The following ESR2 variants were observed in gnomAD, a reference collection of about 807,000 sequenced individuals.
ESR2 encodes the protein estrogen receptor beta.
ESR2 carries 36 observed loss-of-function variants against 49.6 expected under a neutral mutation model. That is an observed-to-expected ratio of 0.73 (90% CI 0.56 to 0.96). The LOEUF is 0.96. Ranked by LOEUF, ESR2 falls within the 40% of genes least tolerant of loss-of-function variation. ESR2 has a pLI of 0.00. For missense variants in ESR2, 714 were observed against 693.0 expected, an observed-to-expected ratio of 1.03 and a Z score of -0.34; for synonymous variants, 320 against 266.1, an observed-to-expected ratio of 1.20 and a Z score of -1.97.
chr14:64,336,507 C>A (rs2077534100), intron 1 of ESR2: 1 of 152,180 alleles, frequency 6.6e-6, no homozygotes, highest in African/African-American at 2.4e-5. Flanking sequence ...ACATTTTTCA[C>A]CTGTCTTGTA....
chr14:64,333,004 G>C lies in ESR2; in HGVS notation c.-91+4894C>G, dbSNP rs547706994. On this transcript the variant is annotated intron_variant, in intron 1 of 8. Transcript: ENST00000358599. ...CCATTGTCCTGCCTCAGCCTCCCGAGTAGCTGGGACTACAGGTGCCCACCA... is the reference window on the plus strand; with the variant it reads ...CCATTGTCCTGCCTCAGCCTCCCGACTAGCTGGGACTACAGGTGCCCACCA... 4.0e-5 allele frequency among the ~76,000 whole-genome samples: 6 copies of C among 150,790 alleles called. No homozygotes were observed. The South Asian group carries it at 1.3e-3, about 32-fold the overall frequency.
intron 1 of ESR2, among the ~76,000 whole-genome samples, chr14:64,305,551 G>C (rs923084596): frequency 3.3e-5 from 5 of 151,580 alleles, no homozygotes; most frequent in Non-Finnish European, 7.4e-5. Context: ...GACACCTGTA[G>C]TCTCAGCTAC....
intron 4 of ESR2, 148 bp downstream of exon 4, chr14:64,268,646 AG>A: frequency 1.6e-6 from 1 of 611,756 alleles, no homozygotes. Context: ...ACTGTGGATA[AG>A]TCAATGCCCC....
At chr14:64,253,480 C>T (rs1221941239) in intron 6 of ESR2, among the ~76,000 whole-genome samples, 3 of 151,778 alleles carry the variant, frequency 2.0e-5, no homozygotes, top group Non-Finnish European at 2.9e-5. Flanking sequence ...CGTGAGCCAC[C>T]GTGCCTGGCC....
At chr14:64,233,891 AG>A in intron 8 of ESR2, 1 of 152,914 alleles carries the variant, frequency 6.5e-6, no homozygotes, top group Non-Finnish European at 1.5e-5. Context: ...GCACCACACC[AG>A]GGGGGCATTT....
chr14:64,331,900 T>C (rs17226081), intron 1 of ESR2, among the ~76,000 whole-genome samples: 2,360 of 150,368 alleles, frequency 0.016, 67 homozygotes, highest in East Asian at 0.087. Flanking sequence ...CCAACACTGG[T>C]AGAATGATGA....
At chr14:64,261,232 C>CTTTCTTTT (rs1555577156) in intron 4 of ESR2, among the ~76,000 whole-genome samples, 25 of 88,670 alleles carry the variant, frequency 2.8e-4, no homozygotes, top group African/African-American at 8.9e-4. Context: ...TTTTATTTTT[C>CTTTCTTTT]TTTTTTCTTT....
At position 64,233,165 on chromosome 14, in the gene ESR2, T is replaced by C. The variant is rs199757132; in HGVS notation, c.1565A>G (p.Glu522Gly). The C allele has an allele frequency of 4.2e-5, 68 of 1,613,782 alleles. No homozygotes were observed. Among genetic ancestry groups the C allele is most frequent in the Non-Finnish European group, 7.6e-6 (9 of 1,179,868 alleles). ...CTGAGACTGTGGGTTCTGGGAGCCCTCTTTGCTTTTACTGTCCTCTGCCGG... is the reference window on the plus strand; with the variant it reads ...CTGAGACTGTGGGTTCTGGGAGCCCCCTTTGCTTTTACTGTCCTCTGCCGG... Reference protein sequence around the residue: ...CSPAEDSKSKEGSQNPQSQ With the variant: ...CSPAEDSKSKGGSQNPQSQ Residue 522 changes from glutamate (E) to glycine (G), a missense_variant, in exon 9 of 9, where the codon GAG becomes GGG. Transcript: ENST00000341099.
intron 7 of ESR2, among the ~76,000 whole-genome samples, chr14:64,246,767 A>AAAC (rs2075869497): frequency 8.0e-6 from 1 of 125,646 alleles, no homozygotes; most frequent in Non-Finnish European, 1.7e-5. Context: ...AAAAAAAAAA[A>AAAC]CACACCTGGC....
chr14:64,289,916 A>G (rs2076844164), intron 1 of ESR2, among the ~76,000 whole-genome samples: 1 of 152,240 alleles, frequency 6.6e-6, no homozygotes, highest in Non-Finnish European at 1.5e-5. Flanking sequence ...TTTCCCAAGC[A>G]TTCAGTTCAA....
chr14:64,282,922 T>C lies in ESR2; in HGVS notation c.64A>G (p.Ile22Val), dbSNP rs76299711. ...ATGGAGCCGTGCTCCAGGGGTAAGA[T>C]GGATTGACTGCAGTTGTAGGAGGAA... Reference protein sequence around the residue: ...SPSSYNCSQSILPLEHGSIYI... With the variant: ...SPSSYNCSQSVLPLEHGSIYI... Residue 22 changes from isoleucine (I) to valine (V), a missense_variant, in exon 2 of 9, where the codon ATC (isoleucine) becomes GTC (valine). Physicochemically the swap from Ile to Val is conservative, Grantham distance 29. Transcript: ENST00000341099. 9.6e-4 allele frequency: 1,557 copies of C among 1,613,956 alleles called. No homozygotes were observed. The highest frequency in any genetic ancestry group is 1.2e-3 in the Non-Finnish European group (1,469 of 1,179,952).
chr14:64,327,924 AGGCCG>A (rs1017886907), intron 1 of ESR2, among the ~76,000 whole-genome samples: 8 of 151,602 alleles, frequency 5.3e-5, no homozygotes. Flanking sequence ...TATATTTCTA[AGGCCG>A]GGCACAGTGG....
At chr14:64,244,333 G>A (rs1354686177) in intron 7 of ESR2, among the ~76,000 whole-genome samples, 2 of 151,858 alleles carry the variant, frequency 1.3e-5, no homozygotes, top group Non-Finnish European at 2.9e-5. Context: ...CCAGAAGGTG[G>A]AGGTTGCAGT....
intron 4 of ESR2, among the ~76,000 whole-genome samples, chr14:64,263,203 CAGAT>C (rs754265648): frequency 4.9e-4 from 75 of 151,952 alleles, no homozygotes; most frequent in Non-Finnish European, 7.4e-4. Context: ...ACAAAGTAGA[CAGAT>C]AGAAAAATAT....
In ESR2 at chr14:64,257,346, A is replaced by C. The variant is rs748895913; in HGVS notation, c.971T>G (p.Leu324Arg). ...CTCCAAGAGCCGCACTTGGTCGAACAGGCTGAGCTCCACAAAGCCTGGGGA... is the reference window on the plus strand; with the variant it reads ...CTCCAAGAGCCGCACTTGGTCGAACCGGCTGAGCTCCACAAAGCCTGGGGA... ...KKIPGFVELS[L>R]FDQVRLLESC... is the part of the protein sequence containing the mutation. The change falls in exon 6 of 9, where the codon CTG becomes CGG. Residue 324 changes from leucine to arginine, a missense_variant. Transcript: ENST00000341099. The C allele has an allele frequency of 6.2e-7, 1 of 1,613,092 alleles. No homozygotes were observed. Among genetic ancestry groups the C allele is most frequent in the Admixed American group, 1.7e-5 (1 of 60,022 alleles).
chr14:64,293,484 T>A (rs912870030), intron 1 of ESR2, among the ~76,000 whole-genome samples: 2 of 152,234 alleles, frequency 1.3e-5, no homozygotes, highest in African/African-American at 4.8e-5. Flanking sequence ...TGACTTAATA[T>A]TGTCCTTCCA....
intron 7 of ESR2, among the ~76,000 whole-genome samples, chr14:64,237,228 G>A (rs981975762): frequency 1.3e-5 from 2 of 152,190 alleles, no homozygotes; most frequent in African/African-American, 4.8e-5. Context: ...CCAAAGTGCT[G>A]GGATTACAAG....
At chr14:64,298,994 A>G (rs1027456062), upstream of ESR2, among the ~76,000 whole-genome samples, 1 of 129,836 alleles carries the variant, frequency 7.7e-6, no homozygotes, top group Non-Finnish European at 1.6e-5. Context: ...CCAGTTAAGA[A>G]AAAAAAAAAA....
chr14:64,325,312 G>A (rs1379845687), intron 1 of ESR2, among the ~76,000 whole-genome samples: 1 of 152,106 alleles, frequency 6.6e-6, no homozygotes, highest in Non-Finnish European at 1.5e-5. Context: ...GACTTTTGTT[G>A]AGTAAAAGTA....
Sources: allele counts gnomAD v4.1 joint callset (sites outside exome capture counted in the v4.1 genomes callset), GRCh38; gene constraint gnomAD v4.1.1; transcripts MANE v1.5; gene names NCBI Gene and HGNC (gene_info 2026-07-23, HGNC 2026-07-21).